The following RRM2B variants were observed in gnomAD, a reference collection of about 807,000 sequenced individuals.
The protein encoded by RRM2B is ribonucleoside-diphosphate reductase subunit M2 B.
A neutral mutation model predicts 45.9 loss-of-function variants in RRM2B; 20 were observed. The observed-to-expected ratio is 0.44, with a 90% CI of 0.31 to 0.63. The LOEUF (loss-of-function observed/expected upper bound fraction) is 0.63. Among genes scored for constraint, RRM2B ranks in the 30% least tolerant of loss-of-function variants. The probability of loss-of-function intolerance (pLI) is 0.09; values close to 1 mark genes in which losing one functional copy is unlikely to be tolerated. For missense variants in RRM2B, 320 were observed against 414.7 expected (o/e 0.77, Z 1.98); for synonymous variants, 124 against 132.3 (o/e 0.94, Z 0.43).
At chr8:102,217,666 A>G (rs569308578) in intron 6 of RRM2B, among the ~76,000 whole-genome samples, 37 of 152,316 alleles carry the variant, frequency 2.4e-4, no homozygotes, top group African/African-American at 8.7e-4. Context: ...CTTAAAGTCT[A>G]GCAGAAGAGA....
At chr8:102,233,865 G>A (rs1811074985) in intron 1 of RRM2B, among the ~76,000 whole-genome samples, 1 of 152,134 alleles carries the variant, frequency 6.6e-6, no homozygotes. Flanking sequence ...AGGCTAGAGT[G>A]CATAGATCAG....
At position 102,218,885 on chromosome 8, in the gene RRM2B, T is replaced by C. The variant is rs144088421; in HGVS notation, c.613A>G (p.Ile205Val). ...GVFFSGSFAA[I>V]FWLKKRGLMP... ...AGACCTCTCTTCTTTAGCCAGAATA[T>C]AGCAGCAAAAGATCCTGAGAAGAAA... Residue 205 changes from isoleucine (I) to valine (V), a missense_variant, in exon 6 of 9, where the codon ATA becomes GTA. This residue lies in a region of RRM2B where 225 missense variants were observed against 289.4 expected (regional missense o/e 0.78). Transcript: ENST00000251810. 3.6e-5 allele frequency: 58 copies of C among 1,613,736 alleles called. No homozygotes were observed. The highest frequency in any genetic ancestry group is 4.0e-5 in the African/African-American group (3 of 74,896).
At position 102,207,798 on chromosome 8, in the gene RRM2B, A is replaced by C. The variant is rs888488759; in HGVS notation, c.*335T>G. ...TACTATTACTCCCATTTTAAAGATA[A>C]GTACACCGAGGTTTACCAAGATTAA... On this transcript the variant is annotated 3_prime_UTR_variant, in exon 9 of 9. Coordinates refer to ENST00000251810, the MANE Select transcript of RRM2B (RefSeq NM_015713.5). The C allele has an allele frequency of 4.8e-6, 1 of 210,516 alleles. No individual in the cohort carries two copies. Among genetic ancestry groups the C allele is most frequent in the African/African-American group, 2.3e-5 (1 of 42,784 alleles). 13.0% of individuals were successfully genotyped at this position (210,516 alleles called of 1,614,324 possible).
At chr8:102,230,639 T>C (rs1811011429) in intron 2 of RRM2B, among the ~76,000 whole-genome samples, 1 of 152,188 alleles carries the variant, frequency 6.6e-6, no homozygotes, top group Admixed American at 6.5e-5. Context: ...ATGTCAACTA[T>C]AATATAACAA....
intron 6 of RRM2B, 103 bp downstream of exon 6, chr8:102,218,711 G>GTGA: frequency 2.0e-6 from 2 of 977,466 alleles, no homozygotes. Context: ...GGGTGACAGA[G>GTGA]TGAGATCCTG....
chr8:102,219,127 A>T, intron 5 of RRM2B, 180 bp from the exon 6 acceptor site: 1 of 632,518 alleles, frequency 1.6e-6, no homozygotes, highest in Non-Finnish European at 2.7e-6. Context: ...ACTGGAGCAG[A>T]AAGGTATGCC....
intron 1 of RRM2B, 121 bp downstream of exon 1, chr8:102,238,706 G>T: frequency 6.4e-7 from 1 of 1,567,382 alleles, no homozygotes; most frequent in East Asian, 2.3e-5. Context: ...CTGCGGCGAG[G>T]GCGGGCGGAC....
At chr8:102,224,816 T>G in intron 4 of RRM2B, 69 bp downstream of exon 4, 1 of 1,421,984 alleles carries the variant, frequency 7.0e-7, no homozygotes. Context: ...CATTGAGTTT[T>G]GGAATAAATT....
chr8:102,208,057 A>G lies in RRM2B; in HGVS notation c.*76T>C. 7.6e-7 allele frequency: 1 copy of G among 1,314,136 alleles called. No homozygotes were observed. Among genetic ancestry groups the G allele is most frequent in the South Asian group, 1.3e-5 (1 of 79,694 alleles). The allele number at this position is 1,314,136 out of a possible 1,614,324, so 81.4% of individuals were successfully genotyped here. The stretch of plus-strand genomic sequence containing the variant: ...CCAGTCCTTTAAAGGATATACTTAA[A>G]ATTTTTTTTAAGCAGAGGAAAATAG... On this transcript the variant is annotated 3_prime_UTR_variant, in exon 9 of 9. Coordinates refer to ENST00000251810, the MANE Select transcript of RRM2B (RefSeq NM_015713.5).
At position 102,225,971 on chromosome 8, in the gene RRM2B, A is replaced by C. The variant is rs1026066093; in HGVS notation, c.268T>G (p.Ser90Ala). 2 of 1,613,028 alleles carry C rather than the reference A, an allele frequency of 1.2e-6. No individual in the cohort carries two copies. The highest frequency in any genetic ancestry group is 2.7e-5 in the African/African-American group (2 of 74,898). ...KLKADEKYFI[S>A]HILAFFAASD... ...GCTGCAAAAAAGGCTAAGATGTGAGAGATGAAGTACTTCTCATCTGCTTTA... is the reference window on the plus strand; with the variant it reads ...GCTGCAAAAAAGGCTAAGATGTGAGCGATGAAGTACTTCTCATCTGCTTTA... Residue 90 changes from serine (S) to alanine (A), a missense_variant, in exon 3 of 9, where the codon TCT becomes GCT. Around this residue, in one of 3 missense-constraint regions of RRM2B, gnomAD observed 225 missense variants for 289.4 expected, o/e 0.78. Transcript: ENST00000251810.
At chr8:102,217,717 G>A (rs1037059664) in intron 6 of RRM2B, among the ~76,000 whole-genome samples, 2 of 151,988 alleles carry the variant, frequency 1.3e-5, no homozygotes, top group African/African-American at 4.8e-5. Context: ...TCCAAGACAT[G>A]GACAGGTTCA....
At chr8:102,237,960 C>T (rs1242587356) in intron 1 of RRM2B, among the ~76,000 whole-genome samples, 1 of 152,096 alleles carries the variant, frequency 6.6e-6, no homozygotes, top group East Asian at 1.9e-4. Context: ...TCAAAGATAC[C>T]ACAGCAACAG....
intron 5 of RRM2B, among the ~76,000 whole-genome samples, chr8:102,222,389 T>G (rs897560206): frequency 1.3e-5 from 2 of 152,184 alleles, no homozygotes; most frequent in African/African-American, 4.8e-5. Flanking sequence ...TTTCTCATTC[T>G]TGAAATGAAC....
Position 102,224,916 on chromosome 8 carries a change from T to G in RRM2B, c.424A>C (p.Ile142Leu). The stretch of plus-strand genomic sequence containing the variant: ...TTGGGATCTCTGATGTAAGTGTCTA[T>G]CAGCAAACTGTACATCTCTGAGTGA... Reference protein sequence around the residue: ...NVHSEMYSLLIDTYIRDPKKR... With the variant: ...NVHSEMYSLLLDTYIRDPKKR... The change falls in exon 4 of 9, where the codon ATA becomes CTA. Residue 142 changes from isoleucine to leucine, a missense_variant. By Grantham distance (5) the Ile-to-Leu change is conservative (BLOSUM62 2). Coordinates refer to ENST00000251810, the MANE Select transcript of RRM2B (RefSeq NM_015713.5). 1 of 1,613,992 alleles carries G rather than the reference T, an allele frequency of 6.2e-7. No homozygotes were observed. Among genetic ancestry groups the G allele is most frequent in the Non-Finnish European group, 8.5e-7 (1 of 1,179,862 alleles).
intron 5 of RRM2B, among the ~76,000 whole-genome samples, chr8:102,223,195 G>A (rs573799809): frequency 6.6e-6 from 1 of 152,204 alleles, no homozygotes; most frequent in Non-Finnish European, 1.5e-5. Flanking sequence ...CAACTACTAT[G>A]TATAAGACAT....
intron 3 of RRM2B, 97 bp from the exon 4 acceptor site, chr8:102,225,115 G>T: frequency 7.8e-7 from 1 of 1,282,104 alleles, no homozygotes; most frequent in Non-Finnish European, 1.1e-6. Context: ...CTTAAAAACT[G>T]CCTGTCATGT....
chr8:102,211,227 C>T (rs1810630582), intron 8 of RRM2B, among the ~76,000 whole-genome samples: 1 of 152,218 alleles, frequency 6.6e-6, no homozygotes, highest in African/African-American at 2.4e-5. Flanking sequence ...AACTCCTAGA[C>T]TCAAGTGATT....
chr8:102,208,626 T>C (rs1000311198), intron 8 of RRM2B, among the ~76,000 whole-genome samples: 1 of 152,232 alleles, frequency 6.6e-6, no homozygotes, highest in African/African-American at 2.4e-5. Context: ...GCATTTTTCA[T>C]AGATATTACT....
chr8:102,230,681 A>G (rs907484151), intron 2 of RRM2B, among the ~76,000 whole-genome samples: 1 of 152,214 alleles, frequency 6.6e-6, no homozygotes, highest in African/African-American at 2.4e-5. Flanking sequence ...ACAATATAAC[A>G]AAGATGGGTA....
Sources: allele counts gnomAD v4.1 joint callset (sites outside exome capture counted in the v4.1 genomes callset), GRCh38; gene constraint gnomAD v4.1.1; regional missense constraint gnomAD v4.1.1; transcripts MANE v1.5; gene names NCBI Gene and HGNC (gene_info 2026-07-23, HGNC 2026-07-21).